MACF1: variants seen among roughly 807,000 people sequenced by gnomAD.
MACF1 encodes microtubule-actin cross-linking factor 1.
Under a neutral mutation model 854.8 loss-of-function variants are expected in MACF1, and 193 were observed. That is an observed-to-expected ratio of 0.23 (90% confidence interval 0.20 to 0.25). The LOEUF (loss-of-function observed/expected upper bound fraction) is 0.25. Among genes scored for constraint, MACF1 ranks in the 10% least tolerant of loss-of-function variants. The pLI is 1.00. For synonymous variants in MACF1, 3,185 were observed against 3,226.7 expected (o/e 0.99, Z 0.44); for missense variants, 7,722 against 8,929.1 (o/e 0.86, Z 5.45).
chr1:39,221,973 T>G (rs1200961051), intron 1 of MACF1, among the ~76,000 whole-genome samples: 2 of 152,224 alleles, frequency 1.3e-5, no homozygotes, highest in African/African-American at 4.8e-5. Context: ...TTCTGGGTCC[T>G]TTGTGATGTC....
chr1:39,445,814 G>A (rs1570110036), intron 80 of MACF1, among the ~76,000 whole-genome samples: 1 of 152,080 alleles, frequency 6.6e-6, no homozygotes, highest in Admixed American at 6.6e-5. Context: ...CTAAAAATTA[G>A]CCAGGTGTAG....
In MACF1 at chr1:39,337,066, C is replaced by G. The variant is rs572846593; in HGVS notation, c.10066-116C>G. 5.0e-5 allele frequency: 44 copies of G among 872,184 alleles called. 1 individual carries two copies. The Admixed American group carries it at 8.7e-4, about 17-fold the overall frequency. The allele number at this position is 872,184 out of a possible 1,614,324, so 54.0% of individuals were successfully genotyped here. On this transcript the variant is annotated intron_variant, in intron 37 of 100. Coordinates refer to ENST00000564288, the MANE Select transcript of MACF1 (RefSeq NM_001394062.1). ...CTTAAACAAAGTGTTTTATTTTATC[C>G]CACTCTATGTGCAGTAAAAATTGCT...
chr1:39,382,117 C>T lies in MACF1; in HGVS notation c.13813C>T (p.Pro4605Ser), dbSNP rs1381204494. 3 of 1,613,780 alleles carry T rather than the reference C, an allele frequency of 1.9e-6. No homozygotes were observed. In the African/African-American group the frequency reaches 4.0e-5, roughly 22 times the overall value. ...AGTGCTGGGGCCCCTGTCTATTGAC[C>T]CCAACATGTTGAATGCACAAAAGCA... ...MGVLGPLSID[P>S]NMLNAQKQQV... The change falls in exon 56 of 101, where the codon CCC becomes TCC. Residue 4605 changes from proline to serine, a missense_variant. Around this residue, in one of 15 missense-constraint regions of MACF1, gnomAD observed 2,807 missense variants for 3,235.8 expected, o/e 0.87. Transcript: ENST00000564288.
intron 2 of MACF1, among the ~76,000 whole-genome samples, chr1:39,145,045 C>T (rs1000271239): frequency 1.3e-5 from 2 of 152,010 alleles, no homozygotes; most frequent in African/African-American, 4.8e-5. Context: ...TTTTCTTCCA[C>T]GCCTTTTCTA....
intron 84 of MACF1, among the ~76,000 whole-genome samples, chr1:39,449,381 G>T (rs2148675717): frequency 6.6e-6 from 1 of 152,140 alleles, no homozygotes; most frequent in Admixed American, 6.5e-5. Flanking sequence ...TTACAATATT[G>T]CTACCCTATT....
chr1:39,205,659 C>T (rs1644441510), intron 1 of MACF1, among the ~76,000 whole-genome samples: 1 of 152,106 alleles, frequency 6.6e-6, no homozygotes, highest in African/African-American at 2.4e-5. Context: ...CATCCTGGAA[C>T]ACTGGGTGTC....
intron 2 of MACF1, among the ~76,000 whole-genome samples, chr1:39,232,746 G>GTTTTTTTTTTTTTTTTTTTT (rs10712180): frequency 1.2e-4 from 16 of 128,470 alleles, no homozygotes; most frequent in African/African-American, 2.6e-4. Context: ...TACTCTCTTT[G>GTTTTTTTTTTTTTTTTTTTT]TTTTTTTTTT....
At chr1:39,221,059 G>A (rs1644646138) in intron 1 of MACF1, among the ~76,000 whole-genome samples, 1 of 152,194 alleles carries the variant, frequency 6.6e-6, no homozygotes, top group Non-Finnish European at 1.5e-5. Flanking sequence ...GGGAAAGGTT[G>A]CTCCTAGTAG....
chr1:39,216,533 AGAG>A (rs1278870036), intron 1 of MACF1, among the ~76,000 whole-genome samples: 3 of 152,214 alleles, frequency 2.0e-5, no homozygotes, highest in Non-Finnish European at 2.9e-5. Flanking sequence ...GAAAAATCTC[AGAG>A]AAGGAGAGCA....
At chr1:39,147,281 C>A (rs1421778522) in intron 2 of MACF1, among the ~76,000 whole-genome samples, 1 of 149,292 alleles carries the variant, frequency 6.7e-6, no homozygotes, top group African/African-American at 2.5e-5. Flanking sequence ...TTTTCTTTTT[C>A]CTTCTCTTTT....
At chr1:39,362,799 G>A (rs573916404) in intron 49 of MACF1, among the ~76,000 whole-genome samples, 2 of 151,890 alleles carry the variant, frequency 1.3e-5, no homozygotes, top group Non-Finnish European at 2.9e-5. Flanking sequence ...CTACTTTTAG[G>A]TTCTTTTTAA....
chr1:39,392,663 C>A (rs1163819198), intron 58 of MACF1, among the ~76,000 whole-genome samples: 1 of 152,176 alleles, frequency 6.6e-6, no homozygotes, highest in African/African-American at 2.4e-5. Context: ...AAGAACCCCC[C>A]AGTCTTACTT....
At chr1:39,459,909 T>A (rs576058661) in intron 91 of MACF1, 2 of 1,124,064 alleles carry the variant, frequency 1.8e-6, no homozygotes, top group African/African-American at 3.3e-5. Flanking sequence ...GGTGCTTTTT[T>A]CCCCCATTCC....
At chr1:39,441,492 G>A (rs1644116297) in intron 74 of MACF1, among the ~76,000 whole-genome samples, 167 bp downstream of exon 74, 6 of 152,198 alleles carry the variant, frequency 3.9e-5, no homozygotes, top group Admixed American at 3.9e-4. Flanking sequence ...AGTGAAAAAA[G>A]TAGCGACATC....
At chr1:39,223,266 A>G (rs1244194013) in intron 1 of MACF1, among the ~76,000 whole-genome samples, 1 of 152,230 alleles carries the variant, frequency 6.6e-6, no homozygotes, top group Admixed American at 6.5e-5. Context: ...GAAGGTAGGC[A>G]TTCCATCATA....
chr1:39,310,805 G>A (rs759781151), intron 25 of MACF1, 26 bp from the exon 26 acceptor site: 3 of 1,588,396 alleles, frequency 1.9e-6, no homozygotes, highest in African/African-American at 2.7e-5. Context: ...CGAGCTTACT[G>A]GTCTTTTGTG....
intron 41 of MACF1, among the ~76,000 whole-genome samples, chr1:39,348,256 A>C (rs1647101501): frequency 6.6e-6 from 1 of 152,212 alleles, no homozygotes; most frequent in Non-Finnish European, 1.5e-5. Context: ...AGGAGTTTAT[A>C]TAGCATGATA....
At chr1:39,339,390 A>T (rs1646888162) in intron 38 of MACF1, among the ~76,000 whole-genome samples, 1 of 152,232 alleles carries the variant, frequency 6.6e-6, no homozygotes, top group Non-Finnish European at 1.5e-5. Context: ...GTCTCACAGA[A>T]ACCAAAGGAG....
Position 39,336,243 on chromosome 1 carries a change from G to A in MACF1, c.9655G>A (p.Asp3219Asn), listed in dbSNP as rs1199319645. 1.9e-6 allele frequency: 3 copies of A among 1,614,104 alleles called. No individual in the cohort carries two copies. Among genetic ancestry groups the A allele is most frequent in the Non-Finnish European group, 2.5e-6 (3 of 1,180,012 alleles). Reference sequence around the variant, plus strand: ...TCATCATCAGGGCAGCAAAAGTGATGATAAACTTTGTGGAACTCTCAAATC... The same window carrying A: ...TCATCATCAGGGCAGCAAAAGTGATAATAAACTTTGTGGAACTCTCAAATC... ...DLHHQGSKSD[D>N]KLCGTLKSEI... The change falls in exon 37 of 101, where the codon GAT (aspartate) becomes AAT (asparagine). Residue 3219 changes from aspartate (D) to asparagine (N), a missense_variant. Around this residue, in one of 15 missense-constraint regions of MACF1, gnomAD observed 854 missense variants for 852.6 expected, o/e 1.00. Transcript: ENST00000564288.
Sources: gnomAD v4.1 joint callset for allele counts (sites outside exome capture counted in the v4.1 genomes callset) on GRCh38, gnomAD v4.1.1 for gene constraint, gnomAD v4.1.1 regional missense constraint, MANE v1.5 for transcripts, NCBI Gene and HGNC (gene_info 2026-07-23, HGNC 2026-07-21) for gene names.